GRIP1: variants seen among roughly 807,000 people sequenced by gnomAD.
GRIP1 encodes the protein glutamate receptor interacting protein 1.
GRIP1 carries 45 observed loss-of-function variants against 129.9 expected under a neutral mutation model. The ratio of observed to expected loss-of-function variants is 0.35; its 90% CI spans 0.27 to 0.44. The LOEUF (loss-of-function observed/expected upper bound fraction) is 0.44, where lower values mean the gene tolerates loss of function less well. Ranked by LOEUF, GRIP1 falls within the 20% of genes least tolerant of loss-of-function variation. The pLI is 1.00. For synonymous variants in GRIP1, 530 were observed against 520.8 expected (o/e 1.02, Z -0.24); for missense variants, 1,196 against 1,396.8 (o/e 0.86, Z 2.29).
chr12:66,767,639 T>C (rs980046251), intron 1 of GRIP1, among the ~76,000 whole-genome samples: 1 of 150,828 alleles, frequency 6.6e-6, no homozygotes, highest in African/African-American at 2.4e-5. Flanking sequence ...ACCAGGCTGA[T>C]TTCTTGCCGT....
At chr12:66,628,746 GTGGTTAGAGGCCGGGGACGC>G (rs1372412395) in intron 1 of GRIP1, among the ~76,000 whole-genome samples, 1 of 152,238 alleles carries the variant, frequency 6.6e-6, no homozygotes, top group African/African-American at 2.4e-5. Flanking sequence ...TTGGCACCTA[GTGGTTAGAGGCCGGGGACGC>G]TGCTAAACAC....
At chr12:66,637,614 T>G (rs938913146) in intron 1 of GRIP1, among the ~76,000 whole-genome samples, 9 of 152,080 alleles carry the variant, frequency 5.9e-5, no homozygotes, top group Non-Finnish European at 1.2e-4. Flanking sequence ...GTTAAAGTAA[T>G]TAAGCTCGAC....
At position 66,582,629 on chromosome 12, in the gene GRIP1, C is replaced by G. The variant is rs1042775192; in HGVS notation, c.136+14218G>C. ...CACCAATAACAGACAAACAGAGAGC[C>G]AAATCATGAGTGAACTCCCATTCAC... On this transcript the variant is annotated intron_variant, in intron 2 of 24. Coordinates refer to ENST00000359742, the MANE Select transcript of GRIP1 (RefSeq NM_001366722.1). Among the ~76,000 whole-genome samples, 3 of 138,078 alleles carry G rather than the reference C, an allele frequency of 2.2e-5. 1 individual carries two copies. The South Asian group carries it at 7.0e-4, about 32-fold the overall frequency. 90.6% of individuals were successfully genotyped at this position (138,078 alleles called of 152,430 possible). A position where few individuals can be genotyped will look rare whatever the true frequency, so the allele number is the denominator to read the frequency against.
intron 1 of GRIP1, among the ~76,000 whole-genome samples, chr12:66,938,311 G>T (rs1392281036): frequency 6.6e-6 from 1 of 152,078 alleles, no homozygotes; most frequent in African/African-American, 2.4e-5. Context: ...GGGAGGTGAG[G>T]TCACAGTGAG....
intron 2 of GRIP1, among the ~76,000 whole-genome samples, chr12:66,544,651 A>G (rs2061891410): frequency 6.6e-6 from 1 of 152,190 alleles, no homozygotes; most frequent in Admixed American, 6.5e-5. Flanking sequence ...TTGCAAGAAA[A>G]TTTGCTGAAT....
intron 1 of GRIP1, among the ~76,000 whole-genome samples, chr12:66,678,154 T>A (rs74098231): frequency 0.015 from 2,255 of 152,258 alleles, 53 homozygotes; most frequent in African/African-American, 0.051. Context: ...ACATCCAGAA[T>A]GGTTTCAAAT....
chr12:66,782,076 G>A (rs2038178708), intron 1 of GRIP1, among the ~76,000 whole-genome samples: 2 of 152,140 alleles, frequency 1.3e-5, no homozygotes, highest in Admixed American at 1.3e-4. Context: ...AGGCATAAAG[G>A]GAATTTTGAG....
intron 16 of GRIP1, among the ~76,000 whole-genome samples, chr12:66,402,685 G>C (rs999745530): frequency 6.6e-6 from 1 of 152,190 alleles, no homozygotes; most frequent in East Asian, 1.9e-4. Flanking sequence ...GCCCACATTA[G>C]TATGAGCAAT....
At chr12:66,392,960 A>G in intron 17 of GRIP1, 144 bp from the exon 18 acceptor site, 1 of 783,868 alleles carries the variant, frequency 1.3e-6, no homozygotes, top group South Asian at 1.5e-5. Context: ...CTCCTGGGCA[A>G]TGTTATAAGA....
intron 18 of GRIP1, 57 bp from the exon 19 acceptor site, chr12:66,392,559 A>C: frequency 6.3e-7 from 1 of 1,585,486 alleles, no homozygotes; most frequent in Non-Finnish European, 8.7e-7. Context: ...AAAATATACC[A>C]AGATACTCCG....
rs961791743 is a variant in GRIP1 at position 66,529,741 on chromosome 12, T to C, written c.502+90A>G. ...TCACAAATCACCACTAAATAACTTA[T>C]TCATGTAACCAAATACCCAAATACC... On this transcript the variant is annotated intron_variant, in intron 5 of 24. Coordinates refer to ENST00000359742, the MANE Select transcript of GRIP1 (RefSeq NM_001366722.1). 1.1e-5 allele frequency: 9 copies of C among 809,998 alleles called. No homozygotes were observed. The African/African-American group carries it at 1.3e-4, about 12-fold the overall frequency. 50.2% of individuals were successfully genotyped at this position (809,998 alleles called of 1,614,324 possible).
intron 1 of GRIP1, among the ~76,000 whole-genome samples, chr12:66,676,422 A>G (rs1459349592): frequency 6.6e-6 from 1 of 152,162 alleles, no homozygotes; most frequent in Non-Finnish European, 1.5e-5. Context: ...TTTTGGAGTC[A>G]TGAAGCAAAC....
intron 1 of GRIP1, among the ~76,000 whole-genome samples, chr12:66,845,048 T>G (rs960418875): frequency 4.6e-5 from 7 of 152,146 alleles, no homozygotes; most frequent in African/African-American, 1.7e-4. Context: ...TACAACAATG[T>G]GAATATACTT....
At position 66,465,253 on chromosome 12, in the gene GRIP1, AGGC is replaced by A. The variant is rs751697005; in HGVS notation, c.872+19_872+21del. On this transcript the variant is annotated intron_variant, in intron 8 of 24. Transcript: ENST00000359742. The stretch of plus-strand genomic sequence containing the variant: ...GAGCCACTGCGCCTGGCGGAAAAGT[AGGC>A]ACTTTCTACAATACTTACCTGTCTG... The A allele has an allele frequency of 3.5e-5, 57 of 1,608,948 alleles. No homozygotes were observed. The highest frequency in any genetic ancestry group is 1.5e-4 in the Admixed American group (9 of 59,942).
upstream of GRIP1, among the ~76,000 whole-genome samples, chr12:66,807,466 G>A (rs1462877404): frequency 6.6e-6 from 1 of 152,134 alleles, no homozygotes. Flanking sequence ...AAGGTCAGGA[G>A]ATCGAGACCA....
intron 1 of GRIP1, among the ~76,000 whole-genome samples, chr12:66,636,715 CTGTGTGTG>C (rs113361426): frequency 0.058 from 8,392 of 145,150 alleles, 255 homozygotes; most frequent in Non-Finnish European, 0.071. Context: ...CATTAGATCT[CTGTGTGTG>C]TGTGTGTGTG....
At chr12:66,506,898 CAG>C (rs1322905000) in intron 7 of GRIP1, among the ~76,000 whole-genome samples, 1 of 151,062 alleles carries the variant, frequency 6.6e-6, no homozygotes, top group African/African-American at 2.4e-5. Context: ...CTCTAAAAAA[CAG>C]AGAACGTATA....
chr12:66,924,138 C>T (rs117731640), intron 1 of GRIP1, among the ~76,000 whole-genome samples: 2 of 152,308 alleles, frequency 1.3e-5, no homozygotes, highest in East Asian at 3.9e-4. Context: ...AGCCACCATG[C>T]CCAGCCAATT....
chr12:66,367,247 AAGATGCAT>A (rs2055207361), intron 23 of GRIP1, among the ~76,000 whole-genome samples: 1 of 148,038 alleles, frequency 6.8e-6, no homozygotes, highest in African/African-American at 2.7e-5. Flanking sequence ...TTTGAAAGAT[AAGATGCAT>A]AAGATGCAGA....
Sources: allele counts gnomAD v4.1 joint callset (sites outside exome capture counted in the v4.1 genomes callset), GRCh38; gene constraint gnomAD v4.1.1; transcripts MANE v1.5; gene names NCBI Gene and HGNC (gene_info 2026-07-23, HGNC 2026-07-21).